The following KCNH7 variants were observed in gnomAD, a reference collection of about 807,000 sequenced individuals.
The protein encoded by KCNH7 is potassium voltage-gated channel subfamily H member 7, also known as voltage-gated inwardly rectifying potassium channel KCNH7.
A neutral mutation model predicts 120.8 loss-of-function variants in KCNH7; 49 were observed. The observed-to-expected ratio is 0.41, with a 90% CI of 0.32 to 0.51. The LOEUF is 0.51. Ranked by LOEUF, KCNH7 falls within the 20% of genes least tolerant of loss-of-function variation. The probability of loss-of-function intolerance (pLI) is 0.38; values close to 1 mark genes in which losing one functional copy is unlikely to be tolerated. For synonymous variants in KCNH7, 547 were observed against 516.1 expected (o/e 1.06, Z -0.81); for missense variants, 1,097 against 1,446.6 (o/e 0.76, Z 3.92).
intron 2 of KCNH7, among the ~76,000 whole-genome samples, chr2:162,553,509 T>C (rs949775427): frequency 6.6e-6 from 1 of 151,184 alleles, no homozygotes; most frequent in Non-Finnish European, 1.5e-5. Context: ...ATTAGCGGGG[T>C]GTGGTGGCGG....
intron 2 of KCNH7, among the ~76,000 whole-genome samples, chr2:162,766,754 A>C (rs1682825317): frequency 6.6e-6 from 1 of 152,060 alleles, no homozygotes; most frequent in South Asian, 2.1e-4. Context: ...TATAAAATGA[A>C]GTCTCTTTCC....
intron 2 of KCNH7, among the ~76,000 whole-genome samples, chr2:162,772,653 T>C (rs1376962440): frequency 1.3e-5 from 2 of 152,326 alleles, no homozygotes; most frequent in African/African-American, 4.8e-5. Context: ...CTTAAGATAC[T>C]GAAAGCCCCA....
chr2:162,748,595 A>G (rs1465860803), intron 2 of KCNH7, among the ~76,000 whole-genome samples: 1 of 152,192 alleles, frequency 6.6e-6, no homozygotes, highest in African/African-American at 2.4e-5. Flanking sequence ...GGCTAAACAG[A>G]CATTCTTTTC....
intron 2 of KCNH7, among the ~76,000 whole-genome samples, chr2:162,608,257 T>A (rs914089156): frequency 6.6e-6 from 1 of 151,800 alleles, no homozygotes; most frequent in East Asian, 1.9e-4. Context: ...TGTGGGAGGG[T>A]TTGATAGTAT....
At chr2:162,726,043 T>G (rs1243184733) in intron 2 of KCNH7, among the ~76,000 whole-genome samples, 1 of 152,230 alleles carries the variant, frequency 6.6e-6, no homozygotes, top group Non-Finnish European at 1.5e-5. Flanking sequence ...TTTTAAAAAA[T>G]TGTTTAAATT....
At chr2:162,382,822 C>A (rs569173645) in intron 13 of KCNH7, among the ~76,000 whole-genome samples, 63 of 151,876 alleles carry the variant, frequency 4.1e-4, no homozygotes, top group Non-Finnish European at 8.1e-4. Flanking sequence ...TTTTAGAATT[C>A]CCCATTGGTT....
chr2:162,801,188 A>C (rs938380386), intron 2 of KCNH7, among the ~76,000 whole-genome samples: 1 of 151,746 alleles, frequency 6.6e-6, no homozygotes, highest in Admixed American at 6.6e-5. Context: ...AAGTAAAATA[A>C]TGCTATTCTA....
At chr2:162,514,939 G>T (rs959033934) in intron 4 of KCNH7, among the ~76,000 whole-genome samples, 1 of 151,666 alleles carries the variant, frequency 6.6e-6, no homozygotes, top group Non-Finnish European at 1.5e-5. Flanking sequence ...ACCCAACTTC[G>T]AAATCTTGTG....
intron 2 of KCNH7, among the ~76,000 whole-genome samples, chr2:162,662,891 T>C (rs1032559950): frequency 3.9e-5 from 6 of 152,224 alleles, no homozygotes; most frequent in African/African-American, 9.6e-5. Context: ...TGAATAAATA[T>C]GAAATAGCAT....
intron 4 of KCNH7, among the ~76,000 whole-genome samples, chr2:162,513,467 CTCCTTCCT>C (rs66776235): frequency 0.72 from 75,194 of 104,538 alleles, 29,765 homozygotes; most frequent in Middle Eastern, 0.87. Context: ...CCTTCCCTCC[CTCCTTCCT>C]TCCTTCCTTC....
At chr2:162,389,389 C>T (rs1379012324) in intron 12 of KCNH7, among the ~76,000 whole-genome samples, 3 of 151,930 alleles carry the variant, frequency 2.0e-5, no homozygotes, top group Admixed American at 1.3e-4. Context: ...CTTTCTGACG[C>T]AATCATTTTT....
At chr2:162,493,288 A>G (rs1690386473) in intron 6 of KCNH7, among the ~76,000 whole-genome samples, 3 of 152,254 alleles carry the variant, frequency 2.0e-5, no homozygotes, top group Admixed American at 2.0e-4. Flanking sequence ...TAGATGTGTG[A>G]TGGTTATATA....
chr2:162,571,259 A>T (rs1693464564), intron 2 of KCNH7, among the ~76,000 whole-genome samples: 1 of 152,152 alleles, frequency 6.6e-6, no homozygotes, highest in Non-Finnish European at 1.5e-5. Context: ...CAACAGACAA[A>T]CAGAGAGCCA....
At chr2:162,581,481 A>T (rs1302845264) in intron 2 of KCNH7, among the ~76,000 whole-genome samples, 4 of 152,098 alleles carry the variant, frequency 2.6e-5, no homozygotes, top group Admixed American at 6.6e-5. Context: ...TATTTGGGGC[A>T]CATTCGTTTG....
At chr2:162,488,919 G>A (rs766240762) in intron 6 of KCNH7, among the ~76,000 whole-genome samples, 4 of 152,082 alleles carry the variant, frequency 2.6e-5, no homozygotes, top group South Asian at 2.1e-4. Flanking sequence ...TTCAAGCTAC[G>A]GTGCTTAGTC....
chr2:162,591,469 G>A (rs1694214939), intron 2 of KCNH7, among the ~76,000 whole-genome samples: 1 of 151,910 alleles, frequency 6.6e-6, no homozygotes, highest in Non-Finnish European at 1.5e-5. Context: ...GAATTAAACA[G>A]CGACATATTT....
chr2:162,452,035 G>A (rs532047812), intron 6 of KCNH7, among the ~76,000 whole-genome samples: 10 of 152,130 alleles, frequency 6.6e-5, no homozygotes, highest in Middle Eastern at 3.4e-3. Flanking sequence ...TTGTAGATAC[G>A]GAAATGATAT....
intron 6 of KCNH7, among the ~76,000 whole-genome samples, chr2:162,455,636 G>C (rs1270616992): frequency 6.6e-6 from 1 of 152,012 alleles, no homozygotes; most frequent in Non-Finnish European, 1.5e-5. Context: ...GTTTATTCAG[G>C]GATTTGATTT....
intron 2 of KCNH7, among the ~76,000 whole-genome samples, chr2:162,833,868 A>T (rs1573946027): frequency 6.6e-6 from 1 of 152,180 alleles, no homozygotes; most frequent in Non-Finnish European, 1.5e-5. Context: ...AATGGAAGAA[A>T]TGGAAACAGA....
Sources: allele counts gnomAD v4.1 joint callset (sites outside exome capture counted in the v4.1 genomes callset), GRCh38; gene constraint gnomAD v4.1.1; transcripts MANE v1.5; gene names NCBI Gene and HGNC (gene_info 2026-07-23, HGNC 2026-07-21).